The following KIAA1549 variants were observed in gnomAD, a reference collection of about 807,000 sequenced individuals.
KIAA1549 encodes UPF0606 protein KIAA1549.
KIAA1549 carries 70 observed loss-of-function variants against 156.4 expected under a neutral mutation model. That is an observed-to-expected ratio of 0.45 (90% confidence interval 0.37 to 0.55). The LOEUF is 0.55. Among genes scored for constraint, KIAA1549 ranks in the 20% least tolerant of loss-of-function variants. The pLI is 0.00. For synonymous variants in KIAA1549, 1,103 were observed against 1,066.4 expected (o/e 1.03, Z -0.67); for missense variants, 2,428 against 2,540.9 (o/e 0.96, Z 0.96).
chr7:138,888,559 T>C (rs1020643384), intron 10 of KIAA1549, among the ~76,000 whole-genome samples: 2 of 152,256 alleles, frequency 1.3e-5, no homozygotes, highest in African/African-American at 4.8e-5. Context: ...CAATCATCTA[T>C]GTGTCTTTTC....
rs1385913889 is a variant in KIAA1549 at position 138,832,109 on chromosome 7, A to G, written c.*5797T>C. 3.6e-5 allele frequency: 8 copies of G among 224,612 alleles called. No homozygotes were observed. The highest frequency in any genetic ancestry group is 7.1e-5 in the Non-Finnish European group (8 of 112,846). The allele number at this position is 224,612 out of a possible 1,614,324, so 13.9% of individuals were successfully genotyped here. A position where few individuals can be genotyped will look rare whatever the true frequency, so the allele number is the denominator to read the frequency against. On this transcript the variant is annotated 3_prime_UTR_variant, in exon 20 of 20. Coordinates refer to ENST00000422774, the MANE Select transcript of KIAA1549 (RefSeq NM_001164665.2). ...AAAGACTATTCGTGATGCTCCAAGT[A>G]GCCCAGAAAGGTTCTGTGTAATCAG...
intron 1 of KIAA1549, among the ~76,000 whole-genome samples, chr7:138,976,507 T>C (rs1413560506): frequency 6.6e-6 from 1 of 152,240 alleles, no homozygotes; most frequent in Non-Finnish European, 1.5e-5. Flanking sequence ...TCTGAGGTAT[T>C]TTGAGATACA....
At chr7:138,852,096 A>G in intron 17 of KIAA1549, 127 bp downstream of exon 17, 1 of 581,334 alleles carries the variant, frequency 1.7e-6, no homozygotes, top group South Asian at 2.5e-5. Context: ...TCTTCTGGTT[A>G]GATCAAGAGA....
At position 138,917,982 on chromosome 7, in the gene KIAA1549, CA is replaced by C; in HGVS notation, c.1643del (p.Val548GlyfsTer6). 6.3e-7 allele frequency: 1 copy of C among 1,595,466 alleles called. No homozygotes were observed. The highest frequency in any genetic ancestry group is 8.5e-7 in the Non-Finnish European group (1 of 1,171,006). ...ATGCAGTGGTCACGCTGGATGGCGT[CA>C]CTTGGGTTTCAGCAACAGACAAGGA... Reference protein sequence around the residue: ...AGSLSVAETQVTPSSVTTAFF... With the variant: ...AGSLSVAETQXTPSSVTTAFF... On this transcript the variant is annotated frameshift_variant, in exon 2 of 20. Coordinates refer to ENST00000422774, the MANE Select transcript of KIAA1549 (RefSeq NM_001164665.2). LOFTEE classifies it high-confidence loss of function.
intron 1 of KIAA1549, among the ~76,000 whole-genome samples, chr7:138,930,354 A>C (rs977742473): frequency 5.3e-5 from 8 of 152,198 alleles, no homozygotes; most frequent in African/African-American, 1.9e-4. Flanking sequence ...CACTAGCTTC[A>C]TTGGCCCCTA....
At chr7:138,954,935 T>C (rs1379950702) in intron 1 of KIAA1549, among the ~76,000 whole-genome samples, 2 of 151,894 alleles carry the variant, frequency 1.3e-5, no homozygotes, top group African/African-American at 4.8e-5. Context: ...GACAGTAACA[T>C]CCTGGGGCAA....
intron 1 of KIAA1549, among the ~76,000 whole-genome samples, chr7:138,929,782 T>C (rs929577824): frequency 7.9e-5 from 12 of 152,318 alleles, no homozygotes; most frequent in Middle Eastern, 3.4e-3. Context: ...CTTGAACTCC[T>C]GGGCTCAAGG....
rs150020540 is a variant in KIAA1549 at position 138,844,243 on chromosome 7, A to T, written c.5452+74T>A. The T allele has an allele frequency of 6.3e-3, 9,771 of 1,551,996 alleles. 80 individuals are homozygous for T. The highest frequency in any genetic ancestry group is 0.019 in the South Asian group (1,621 of 87,392). ...GAGGCCTCTGCACACTGACACTCTG[A>T]GACACCTAAAATAAAGTTTCTTTCA... On this transcript the variant is annotated intron_variant, in intron 18 of 19. Coordinates refer to ENST00000422774, the MANE Select transcript of KIAA1549 (RefSeq NM_001164665.2).
intron 3 of KIAA1549, 24 bp downstream of exon 3, chr7:138,912,348 C>T: frequency 1.3e-6 from 2 of 1,590,770 alleles, no homozygotes; most frequent in Non-Finnish European, 1.7e-6. Context: ...CCAGACATCA[C>T]ACTCCTGAGC....
intron 1 of KIAA1549, among the ~76,000 whole-genome samples, chr7:138,931,354 G>A (rs932115483): frequency 3.2e-4 from 48 of 152,208 alleles, no homozygotes; most frequent in African/African-American, 8.4e-4. Context: ...AAATGGGGCA[G>A]GCGTACACCT....
intron 10 of KIAA1549, among the ~76,000 whole-genome samples, chr7:138,890,152 C>T (rs965107935): frequency 2.6e-5 from 4 of 152,218 alleles, no homozygotes; most frequent in Non-Finnish European, 5.9e-5. Context: ...CACCGGAATA[C>T]GTCACCAACA....
intron 1 of KIAA1549, among the ~76,000 whole-genome samples, chr7:138,950,529 TG>T (rs1813464457): frequency 6.6e-6 from 1 of 152,206 alleles, no homozygotes; most frequent in South Asian, 2.1e-4. Context: ...TCTATTAAGG[TG>T]GCTTAGGGGA....
intron 1 of KIAA1549, among the ~76,000 whole-genome samples, chr7:138,951,537 T>C (rs974875324): frequency 6.6e-6 from 1 of 152,244 alleles, no homozygotes; most frequent in Non-Finnish European, 1.5e-5. Context: ...TGTCTGTCTC[T>C]GCAGTTCAGT....
At position 138,940,122 on chromosome 7, in the gene KIAA1549, G is replaced by A. The variant is rs190657493; in HGVS notation, c.188-20684C>T. On this transcript the variant is annotated intron_variant, in intron 1 of 19. Transcript: ENST00000422774. Reference sequence around the variant, plus strand: ...GTTCATGTGCTGCACCCATTAACTCGTCATTTATATTAGGTATATCTCCCA... The same window carrying A: ...GTTCATGTGCTGCACCCATTAACTCATCATTTATATTAGGTATATCTCCCA... Among the ~76,000 whole-genome samples the A allele has an allele frequency of 5.5e-3, 840 of 152,056 alleles. 3 individuals carry two copies. Among genetic ancestry groups the A allele is most frequent in the African/African-American group, 0.019 (801 of 41,438 alleles).
chr7:138,938,124 T>TA (rs1813071335), intron 1 of KIAA1549, among the ~76,000 whole-genome samples: 1 of 152,082 alleles, frequency 6.6e-6, no homozygotes, highest in Non-Finnish European at 1.5e-5. Flanking sequence ...AGTGTCCCTC[T>TA]AAAAAAGGCC....
At chr7:138,845,039 T>C (rs1199074076) in intron 17 of KIAA1549, among the ~76,000 whole-genome samples, 1 of 151,776 alleles carries the variant, frequency 6.6e-6, no homozygotes, top group African/African-American at 2.4e-5. Flanking sequence ...GATCGCAAAC[T>C]TTTTTTTATC....
intron 1 of KIAA1549, among the ~76,000 whole-genome samples, chr7:138,955,138 C>T: frequency 6.6e-6 from 1 of 152,332 alleles, no homozygotes; most frequent in East Asian, 1.9e-4. Context: ...GAGTCAAACA[C>T]TGTCCCTGAC....
intron 15 of KIAA1549, among the ~76,000 whole-genome samples, chr7:138,867,070 T>G (rs1446120604): frequency 1.3e-5 from 2 of 152,214 alleles, no homozygotes; most frequent in African/African-American, 4.8e-5. Context: ...CCCAAAGTGC[T>G]GGCATTACAG....
chr7:138,852,459 C>T (rs1810262990), intron 16 of KIAA1549, among the ~76,000 whole-genome samples, 190 bp from the exon 17 acceptor site: 2 of 152,222 alleles, frequency 1.3e-5, no homozygotes, highest in South Asian at 4.1e-4. Flanking sequence ...ACCTGCACTA[C>T]CAGACTTTAG....
Sources: gnomAD v4.1 joint callset for allele counts (sites outside exome capture counted in the v4.1 genomes callset) on GRCh38, gnomAD v4.1.1 for gene constraint, MANE v1.5 for transcripts, NCBI Gene and HGNC (gene_info 2026-07-23, HGNC 2026-07-21) for gene names.